CACNA1D: variants seen among roughly 807,000 people sequenced by gnomAD.
CACNA1D encodes the protein calcium voltage-gated channel subunit alpha1 D.
CACNA1D carries 55 observed loss-of-function variants against 257.1 expected under a neutral mutation model. That is an observed-to-expected ratio of 0.21 (90% CI 0.17 to 0.27). CACNA1D has a LOEUF of 0.27. Among genes scored for constraint, CACNA1D ranks in the 10% least tolerant of loss-of-function variants. The pLI is 1.00. For synonymous variants in CACNA1D, 980 were observed against 1,014.9 expected, an observed-to-expected ratio of 0.97 and a Z score of 0.65; for missense variants, 1,876 against 2,784.0, an observed-to-expected ratio of 0.67 and a Z score of 7.34.
intron 3 of CACNA1D, among the ~76,000 whole-genome samples, chr3:53,609,241 T>A (rs2093552561): frequency 6.6e-6 from 1 of 151,964 alleles, no homozygotes; most frequent in Admixed American, 6.6e-5. Context: ...AAACCCCATC[T>A]CTACTAAAAA....
In CACNA1D at chr3:53,775,898, T is replaced by G. The variant is rs1334807374; in HGVS notation, c.4215T>G (p.Gly1405=). Residue 1405 remains glycine, a synonymous_variant, in exon 35 of 48, where the codon GGT becomes GGG. Transcript: ENST00000350061. ...AVLLLFRCAT[G]EAWQEIMLAC... ...TCATCTGAAAAAGGTGTGCAACAGG[T>G]GAGGCCTGGCAGGAGATCATGCTGG... The G allele has an allele frequency of 1.9e-6, 3 of 1,614,054 alleles. No individual in the cohort carries two copies. The African/African-American group carries it at 4.0e-5, about 22-fold the overall frequency.
intron 3 of CACNA1D, among the ~76,000 whole-genome samples, chr3:53,511,362 A>G (rs1305023318): frequency 2.6e-5 from 4 of 152,170 alleles, no homozygotes; most frequent in Non-Finnish European, 5.9e-5. Flanking sequence ...GGCGGCGAAA[A>G]AGAGTACATC....
At chr3:53,688,205 G>A (rs1438111225) in intron 8 of CACNA1D, among the ~76,000 whole-genome samples, 1 of 152,224 alleles carries the variant, frequency 6.6e-6, no homozygotes, top group African/African-American at 2.4e-5. Flanking sequence ...ACTCGGCCTT[G>A]GGTGGAGGTC....
At position 53,735,459 on chromosome 3, in the gene CACNA1D, C is replaced by T. The variant is rs776204235; in HGVS notation, c.2707C>T (p.Leu903=). ...LVFIMLSSAA[L]AAEDPIRSHS... ...CTTCATCATGCTGAGCAGCGCTGCC[C>T]TGGCCGCAGAGGACCCCATCCGCAG... is the stretch of plus-strand genomic sequence containing the variant. The change falls in exon 20 of 48, where the codon CTG becomes TTG. Residue 903 remains leucine (L), a synonymous_variant. Transcript: ENST00000350061. 1 of 1,613,888 alleles carries T rather than the reference C, an allele frequency of 6.2e-7. No individual in the cohort carries two copies. Among genetic ancestry groups the T allele is most frequent in the South Asian group, 1.1e-5 (1 of 91,062 alleles).
At chr3:53,641,687 C>T (rs774140672) in intron 3 of CACNA1D, among the ~76,000 whole-genome samples, 5 of 152,092 alleles carry the variant, frequency 3.3e-5, no homozygotes, top group Non-Finnish European at 7.3e-5. Context: ...AAGTCTGAAG[C>T]GTCAAGTTTA....
At chr3:53,511,068 TGTCCCTGTTA>T (rs1262350125) in intron 3 of CACNA1D, among the ~76,000 whole-genome samples, 2 of 152,238 alleles carry the variant, frequency 1.3e-5, no homozygotes, top group African/African-American at 4.8e-5. Context: ...ACTGCCTTTA[TGTCCCTGTTA>T]GTTGGGGAAG....
intron 3 of CACNA1D, among the ~76,000 whole-genome samples, chr3:53,540,990 C>T (rs1218724267): frequency 6.6e-6 from 1 of 152,148 alleles, no homozygotes; most frequent in South Asian, 2.1e-4. Flanking sequence ...GATCCATTTG[C>T]CTCGGCCTCC....
intron 39 of CACNA1D, chr3:53,782,627 A>G (rs1339566358): frequency 6.6e-6 from 1 of 152,224 alleles, no homozygotes; most frequent in Non-Finnish European, 1.5e-5. Flanking sequence ...ACAGAGCAGC[A>G]TGCCAGCCAG....
Position 53,733,930 on chromosome 3 carries a change from TTGTGTG to T in CACNA1D, c.2621+986_2621+991del, listed in dbSNP as rs397961374. ...CAGCCCTTTGTGTGTGTGTGTGTGT[TTGTGTG>T]TGTGTGTGTGTGTGTGTATGTATGT... On this transcript the variant is annotated intron_variant, in intron 19 of 47. Transcript: ENST00000350061. 3.1e-3 allele frequency among the ~76,000 whole-genome samples: 410 copies of T among 134,040 alleles called. 3 individuals are homozygous for T. Among genetic ancestry groups the T allele is most frequent in the Admixed American group, 4.3e-3 (57 of 13,334 alleles). 87.9% of individuals were successfully genotyped at this position (134,040 alleles called of 152,430 possible).
Position 53,800,112 on chromosome 3 carries a change from A to G in CACNA1D, c.4924-137A>G. ...CAACCCTTAGACTGCCTTCAGTGAC[A>G]TCAGTCAGTGCCCTGGATTGGCTTT... On this transcript the variant is annotated intron_variant, in intron 40 of 47. Transcript: ENST00000350061. The surrounding 1 kb of genome is among the most constrained non-coding windows in gnomAD (Gnocchi z 4.3). 1 of 767,854 alleles carries G rather than the reference A, an allele frequency of 1.3e-6. No individual in the cohort carries two copies. The highest frequency in any genetic ancestry group is 2.4e-6 in the Non-Finnish European group (1 of 418,050). 47.6% of individuals were successfully genotyped at this position (767,854 alleles called of 1,614,324 possible). A position where few individuals can be genotyped will look rare whatever the true frequency, so the allele number is the denominator to read the frequency against.
chr3:53,706,966 G>GA (rs1355470993), intron 9 of CACNA1D, among the ~76,000 whole-genome samples: 2 of 152,140 alleles, frequency 1.3e-5, no homozygotes, highest in Non-Finnish European at 2.9e-5. Context: ...CCATTGCCCT[G>GA]TGCTTTTCTG....
In CACNA1D at chr3:53,751,655, C is replaced by G. The variant is rs1461050370; in HGVS notation, c.3517-94C>G. 1 of 1,272,672 alleles carries G rather than the reference C, an allele frequency of 7.9e-7. No homozygotes were observed. The highest frequency in any genetic ancestry group is 1.1e-6 in the Non-Finnish European group (1 of 870,804). 78.8% of individuals were successfully genotyped at this position (1,272,672 alleles called of 1,614,324 possible). ...ATCGTCCACGGCCCCTTCCCGGGAG[C>G]TGTAGGGTGAGCTCTTTCAGAGCAG... On this transcript the variant is annotated intron_variant, in intron 27 of 47. Transcript: ENST00000350061. The surrounding 1 kb of genome is among the most constrained non-coding windows in gnomAD (Gnocchi z 4.3).
At chr3:53,627,933 C>T (rs2093778414) in intron 3 of CACNA1D, among the ~76,000 whole-genome samples, 1 of 152,114 alleles carries the variant, frequency 6.6e-6, no homozygotes, top group African/African-American at 2.4e-5. Context: ...GTAGGAGAAT[C>T]GCTTGAACCT....
At chr3:53,780,648 A>G (rs1266775721) in intron 38 of CACNA1D, among the ~76,000 whole-genome samples, 4 of 152,248 alleles carry the variant, frequency 2.6e-5, no homozygotes, top group Non-Finnish European at 4.4e-5. Flanking sequence ...TTCCCAGCTG[A>G]GAGACCAAAC....
At chr3:53,803,852 C>G (rs2095548513) in intron 44 of CACNA1D, among the ~76,000 whole-genome samples, 1 of 152,210 alleles carries the variant, frequency 6.6e-6, no homozygotes, top group African/African-American at 2.4e-5. Context: ...TGCTTCGTGG[C>G]TGGGTTAATG....
intron 8 of CACNA1D, among the ~76,000 whole-genome samples, chr3:53,675,574 G>A (rs2094367151): frequency 6.6e-6 from 1 of 152,082 alleles, no homozygotes; most frequent in Non-Finnish European, 1.5e-5. Flanking sequence ...AGAGGCAGGA[G>A]CCAGATCGTG....
At chr3:53,779,900 C>A (rs914537267) in intron 37 of CACNA1D, 126 bp from the exon 38 acceptor site, 3 of 758,624 alleles carry the variant, frequency 4.0e-6, no homozygotes, top group Admixed American at 1.9e-5. Flanking sequence ...CCCCAAATGG[C>A]TGTTGAATGG....
chr3:53,555,242 T>A (rs932350240), intron 3 of CACNA1D, among the ~76,000 whole-genome samples: 1 of 152,222 alleles, frequency 6.6e-6, no homozygotes, highest in Non-Finnish European at 1.5e-5. Context: ...ATGCTGGGAT[T>A]TCCAGCTATG....
intron 3 of CACNA1D, among the ~76,000 whole-genome samples, chr3:53,552,556 AT>A (rs199801048): frequency 0.018 from 2,756 of 151,952 alleles, 91 homozygotes; most frequent in African/African-American, 0.062. Context: ...AATCTTTGTA[AT>A]TTTAGTAGAG....
Sources: gnomAD v4.1 joint callset for allele counts (sites outside exome capture counted in the v4.1 genomes callset) on GRCh38, gnomAD v4.1.1 for gene constraint, Gnocchi (gnomAD v3.1) non-coding constraint, MANE v1.5 for transcripts, NCBI Gene and HGNC (gene_info 2026-07-23, HGNC 2026-07-21) for gene names.